The following GRID2 variants were observed in gnomAD, a reference collection of about 807,000 sequenced individuals.
The protein encoded by GRID2 is glutamate receptor ionotropic, delta-2.
GRID2 carries 33 observed loss-of-function variants against 114.8 expected under a neutral mutation model. The observed-to-expected ratio is 0.29, with a 90% CI of 0.22 to 0.38. The LOEUF (loss-of-function observed/expected upper bound fraction) is 0.38. GRID2 is among the 10% of genes least tolerant of loss of function. GRID2 has a pLI of 1.00. For synonymous variants in GRID2, 505 were observed against 449.9 expected (o/e 1.12, Z -1.55); for missense variants, 1,184 against 1,257.7 (o/e 0.94, Z 0.89).
chr4:92,786,733 A>G (rs1331965701), intron 2 of GRID2, among the ~76,000 whole-genome samples: 1 of 151,974 alleles, frequency 6.6e-6, no homozygotes, highest in African/African-American at 2.4e-5. Context: ...TGTATTCATT[A>G]TTACTTACTC....
In GRID2 at chr4:93,365,675, G is replaced by A. The variant is rs1392921562; in HGVS notation, c.1246-29932G>A. Among the ~76,000 whole-genome samples, 3 of 152,100 alleles carry A rather than the reference G, an allele frequency of 2.0e-5. No homozygotes were observed. In the East Asian group the frequency reaches 5.8e-4, roughly 29 times the overall value. On this transcript the variant is annotated intron_variant, in intron 8 of 15. Coordinates refer to ENST00000282020, the MANE Select transcript of GRID2 (RefSeq NM_001510.4). ...AGTGAATAAGAGAACAAAGTCTCTG[G>A]ATACTAATAAAGATAGTTCTCATAT...
intron 2 of GRID2, among the ~76,000 whole-genome samples, chr4:93,048,857 G>C (rs1328085513): frequency 6.6e-6 from 1 of 152,034 alleles, no homozygotes; most frequent in Non-Finnish European, 1.5e-5. Flanking sequence ...TCTGAATATA[G>C]TTAAGAATGT....
At chr4:93,250,728 G>A (rs931000029) in intron 8 of GRID2, among the ~76,000 whole-genome samples, 4 of 145,706 alleles carry the variant, frequency 2.7e-5, no homozygotes, top group African/African-American at 1.0e-4. Context: ...ACATGTATAT[G>A]TGCATATATA....
In GRID2 at chr4:93,503,047, G is replaced by A. The variant is rs535820237; in HGVS notation, c.1998-12169G>A. Among the ~76,000 whole-genome samples the A allele has an allele frequency of 5.4e-4, 82 of 152,154 alleles. 1 individual carries two copies. The highest frequency in any genetic ancestry group is 1.9e-3 in the African/African-American group (80 of 41,528). ...ACCTGGCTCTCAGGCATCAAGATAT[G>A]CATTTAATATCAACTTCTGCTGAAA... On this transcript the variant is annotated intron_variant, in intron 12 of 15. Coordinates refer to ENST00000282020, the MANE Select transcript of GRID2 (RefSeq NM_001510.4).
intron 12 of GRID2, among the ~76,000 whole-genome samples, chr4:93,502,019 TA>T (rs1016423250): frequency 6.6e-6 from 1 of 151,674 alleles, no homozygotes; most frequent in Non-Finnish European, 1.5e-5. Context: ...TAGATATGGT[TA>T]AAAAAAGAAC....
At chr4:92,471,396 G>C (rs781120666) in intron 1 of GRID2, among the ~76,000 whole-genome samples, 1 of 151,970 alleles carries the variant, frequency 6.6e-6, no homozygotes, top group Non-Finnish European at 1.5e-5. Flanking sequence ...TTAAAGGCTT[G>C]AGTGGTTAGA....
intron 2 of GRID2, among the ~76,000 whole-genome samples, chr4:93,009,367 T>C (rs1721884058): frequency 6.6e-6 from 1 of 152,088 alleles, no homozygotes; most frequent in Non-Finnish European, 1.5e-5. Flanking sequence ...CAGGGTCTGG[T>C]GAGAGGATAG....
chr4:93,343,392 T>A (rs1759861611), intron 8 of GRID2, among the ~76,000 whole-genome samples: 1 of 151,982 alleles, frequency 6.6e-6, no homozygotes. Flanking sequence ...AATTTCAAGT[T>A]CTCCCAGATG....
chr4:92,883,539 GT>G (rs1746162418), intron 2 of GRID2, among the ~76,000 whole-genome samples: 2 of 152,272 alleles, frequency 1.3e-5, no homozygotes, highest in Admixed American at 1.3e-4. Flanking sequence ...AGGAATCACT[GT>G]CTATGGTAGC....
intron 1 of GRID2, among the ~76,000 whole-genome samples, chr4:92,561,407 A>G (rs1433600028): frequency 6.6e-6 from 1 of 152,196 alleles, no homozygotes; most frequent in Non-Finnish European, 1.5e-5. Context: ...ATTTACTTAA[A>G]TCACTTTAAG....
chr4:93,790,535 T>C (rs1464900915), intron 1 of GRID2, among the ~76,000 whole-genome samples: 3 of 132,800 alleles, frequency 2.3e-5, no homozygotes, highest in South Asian at 2.7e-4. Context: ...CCTCAAAAAA[T>C]GTTATTTAAC....
intron 1 of GRID2, among the ~76,000 whole-genome samples, chr4:92,370,774 G>A (rs1483648758): frequency 1.3e-5 from 2 of 152,138 alleles, no homozygotes; most frequent in Non-Finnish European, 2.9e-5. Flanking sequence ...TTTGTATGTG[G>A]TGAAAGATAA....
At chr4:92,502,367 TGA>T (rs1306158091) in intron 1 of GRID2, among the ~76,000 whole-genome samples, 4 of 152,098 alleles carry the variant, frequency 2.6e-5, no homozygotes, top group Non-Finnish European at 5.9e-5. Flanking sequence ...CAAATTTTCT[TGA>T]GAACTGCAGA....
chr4:92,983,805 C>A (rs1004672777), intron 2 of GRID2, among the ~76,000 whole-genome samples: 1 of 152,036 alleles, frequency 6.6e-6, no homozygotes, highest in Non-Finnish European at 1.5e-5. Context: ...TAAGGGCACA[C>A]TGAAATAAAG....
chr4:93,124,870 G>T (rs1309701692), intron 4 of GRID2, among the ~76,000 whole-genome samples: 1 of 151,926 alleles, frequency 6.6e-6, no homozygotes, highest in East Asian at 1.9e-4. Flanking sequence ...CATATAAGAA[G>T]GTTAAAAAAT....
At chr4:93,439,616 T>C (rs188206549) in intron 10 of GRID2, among the ~76,000 whole-genome samples, 2 of 152,174 alleles carry the variant, frequency 1.3e-5, no homozygotes, top group East Asian at 3.9e-4. Context: ...GAATGTTGGA[T>C]TAATAGGAAG....
At chr4:93,048,803 G>A (rs1726415552) in intron 2 of GRID2, among the ~76,000 whole-genome samples, 1 of 151,968 alleles carries the variant, frequency 6.6e-6, no homozygotes, top group Non-Finnish European at 1.5e-5. Flanking sequence ...TAAGTTTTAT[G>A]GTCCAGGCAG....
chr4:93,740,132 G>C (rs769826077), intron 14 of GRID2, among the ~76,000 whole-genome samples: 16 of 152,094 alleles, frequency 1.1e-4, no homozygotes, highest in Non-Finnish European at 1.5e-4. Context: ...GATATATTTA[G>C]ATACACAAAT....
chr4:93,319,505 T>A (rs1409347923), intron 8 of GRID2: 1 of 152,080 alleles, frequency 6.6e-6, no homozygotes, highest in Non-Finnish European at 1.5e-5. Flanking sequence ...ATTAATATGT[T>A]ATATTCATGG....
Sources: gnomAD v4.1 joint callset for allele counts (sites outside exome capture counted in the v4.1 genomes callset) on GRCh38, gnomAD v4.1.1 for gene constraint, MANE v1.5 for transcripts, NCBI Gene and HGNC (gene_info 2026-07-23, HGNC 2026-07-21) for gene names.